Variants in RALGAPA1 observed in about 807,000 individuals in gnomAD.
The protein encoded by RALGAPA1 is ral GTPase-activating protein subunit alpha-1.
In RALGAPA1, 52 loss-of-function variants were observed where a neutral mutation model predicts 269.6. That is an observed-to-expected ratio of 0.19 (90% CI 0.15 to 0.24). The LOEUF (loss-of-function observed/expected upper bound fraction) is 0.24, where lower values mean the gene tolerates loss of function less well. RALGAPA1 is among the 10% of genes least tolerant of loss of function. The pLI is 1.00. For missense variants in RALGAPA1, 1,917 were observed against 3,013.9 expected (o/e 0.64, Z 8.52); for synonymous variants, 817 against 1,008.3 (o/e 0.81, Z 3.60).
chr14:35,783,875 C>T (rs1411702574), intron 1 of RALGAPA1, among the ~76,000 whole-genome samples: 2 of 152,116 alleles, frequency 1.3e-5, no homozygotes, highest in African/African-American at 2.4e-5. Flanking sequence ...CTACTTCTAA[C>T]CCACTATGAT....
rs1317088184 is a variant in RALGAPA1 at position 35,805,221 on chromosome 14, C to T, written c.106+3509G>A. Among the ~76,000 whole-genome samples, 4 of 148,078 alleles carry T rather than the reference C, an allele frequency of 2.7e-5. No individual in the cohort carries two copies. In the South Asian group the frequency reaches 6.4e-4, roughly 24 times the overall value. On this transcript the variant is annotated intron_variant, in intron 1 of 41. Transcript: ENST00000680220. ...GGGGGACTGCCTGAGCTCAGGAGTT[C>T]GAAACCAGCCTGGGCAACACAGTGA...
At chr14:35,753,282 G>T (rs185868660) in intron 7 of RALGAPA1, among the ~76,000 whole-genome samples, 2 of 152,282 alleles carry the variant, frequency 1.3e-5, no homozygotes, top group Admixed American at 1.3e-4. Context: ...ATTAACACAT[G>T]AATTCACAGG....
rs1052291094 is a variant in RALGAPA1 at position 35,659,122 on chromosome 14, A to G, written c.5387+16T>C. ...ACACAAAATAGTTATACTCAGTCTA[A>G]GAATATCCGACCTACCGTGCAGGAC... On this transcript the variant is annotated intron_variant, in intron 28 of 41. Coordinates refer to ENST00000680220, the MANE Select transcript of RALGAPA1 (RefSeq NM_001346249.2). The G allele has an allele frequency of 1.3e-6, 2 of 1,589,472 alleles. No homozygotes were observed. The highest frequency in any genetic ancestry group is 2.7e-5 in the African/African-American group (2 of 74,346).
intron 37 of RALGAPA1, among the ~76,000 whole-genome samples, chr14:35,586,318 G>A (rs749858877): frequency 1.3e-5 from 2 of 152,194 alleles, no homozygotes; most frequent in Non-Finnish European, 2.9e-5. Flanking sequence ...AGACTTTGCC[G>A]AAGTTGCTTG....
intron 35 of RALGAPA1, among the ~76,000 whole-genome samples, chr14:35,607,499 G>C (rs2059670599): frequency 6.6e-6 from 1 of 152,184 alleles, no homozygotes; most frequent in African/African-American, 2.4e-5. Flanking sequence ...AAAACGTTGA[G>C]AGTCTCAATC....
intron 41 of RALGAPA1, among the ~76,000 whole-genome samples, chr14:35,544,626 C>T (rs112607258): frequency 2.6e-4 from 39 of 152,300 alleles, no homozygotes; most frequent in African/African-American, 8.9e-4. Flanking sequence ...AAGATTATTA[C>T]TTGCCTCTTG....
At chr14:35,598,517 T>C (rs1244366336) in intron 36 of RALGAPA1, among the ~76,000 whole-genome samples, 1 of 152,098 alleles carries the variant, frequency 6.6e-6, no homozygotes. Flanking sequence ...CCTCCTGGGT[T>C]CAAGCAATTC....
intron 35 of RALGAPA1, among the ~76,000 whole-genome samples, chr14:35,622,789 C>T (rs1012792390): frequency 2.2e-4 from 34 of 152,048 alleles, no homozygotes; most frequent in African/African-American, 7.0e-4. Context: ...TAATTACCAC[C>T]TCAATGAAAT....
intron 37 of RALGAPA1, among the ~76,000 whole-genome samples, chr14:35,595,158 G>A (rs1218151138): frequency 6.6e-6 from 1 of 151,770 alleles, no homozygotes; most frequent in Non-Finnish European, 1.5e-5. Flanking sequence ...GTGGAGTGGG[G>A]TATGAAATTG....
chr14:35,747,847 G>C (rs534458640), intron 10 of RALGAPA1, among the ~76,000 whole-genome samples: 1 of 152,156 alleles, frequency 6.6e-6, no homozygotes, highest in South Asian at 2.1e-4. Flanking sequence ...CATGCACTTA[G>C]GGATTTCCAG....
At position 35,740,307 on chromosome 14, in the gene RALGAPA1, G is replaced by C. The variant is rs2071425613; in HGVS notation, c.1450-1657C>G. On this transcript the variant is annotated intron_variant, in intron 11 of 41. Transcript: ENST00000680220. ...TACCTCCAACACTTGTTCTCAATGT[G>C]GGCAACCAAAAGCTTTGTATGGTAT... Among the ~76,000 whole-genome samples, 7 of 152,250 alleles carry C rather than the reference G, an allele frequency of 4.6e-5. 1 individual carries two copies. In the South Asian group the frequency reaches 1.5e-3, roughly 32 times the overall value.
At chr14:35,779,648 C>T (rs530807259) in intron 1 of RALGAPA1, among the ~76,000 whole-genome samples, 31 of 151,294 alleles carry the variant, frequency 2.0e-4, no homozygotes, top group African/African-American at 7.5e-4. Flanking sequence ...ACACAATGTT[C>T]GAGGAAAAAA....
intron 13 of RALGAPA1, among the ~76,000 whole-genome samples, chr14:35,725,456 G>A (rs1411256898): frequency 6.6e-6 from 1 of 152,104 alleles, no homozygotes; most frequent in Non-Finnish European, 1.5e-5. Context: ...CACAAATTAA[G>A]TAGTGACCTT....
intron 1 of RALGAPA1, among the ~76,000 whole-genome samples, chr14:35,804,971 A>G (rs2077253014): frequency 6.6e-6 from 1 of 152,034 alleles, no homozygotes; most frequent in Non-Finnish European, 1.5e-5. Flanking sequence ...ATACAGATTA[A>G]TTTCAAAATA....
intron 38 of RALGAPA1, 107 bp from the exon 39 acceptor site, chr14:35,570,851 T>C (rs1161129055): frequency 2.0e-6 from 2 of 1,021,918 alleles, no homozygotes; most frequent in Non-Finnish European, 2.8e-6. Flanking sequence ...GCTTCTTTAG[T>C]TCTTCCTTCA....
intron 35 of RALGAPA1, among the ~76,000 whole-genome samples, chr14:35,606,489 G>A (rs2059605287): frequency 6.6e-6 from 1 of 152,168 alleles, no homozygotes; most frequent in South Asian, 2.1e-4. Flanking sequence ...GTGGTCCATT[G>A]TTGATGAAAG....
At chr14:35,694,105 A>G (rs2066713678) in intron 17 of RALGAPA1, among the ~76,000 whole-genome samples, 1 of 152,032 alleles carries the variant, frequency 6.6e-6, no homozygotes, top group South Asian at 2.1e-4. Context: ...AAAAAAAAGT[A>G]GCTGCTTATT....
chr14:35,763,454 T>C (rs1595470416), intron 4 of RALGAPA1, among the ~76,000 whole-genome samples: 1 of 152,144 alleles, frequency 6.6e-6, no homozygotes, highest in Non-Finnish European at 1.5e-5. Flanking sequence ...AATATTTTTA[T>C]ATTATTACTA....
chr14:35,782,571 T>C (rs952054764), intron 1 of RALGAPA1, among the ~76,000 whole-genome samples: 2 of 152,112 alleles, frequency 1.3e-5, no homozygotes, highest in African/African-American at 4.8e-5. Flanking sequence ...GTAGCTGTGA[T>C]TACATGCATG....
Sources: gnomAD v4.1 joint callset for allele counts (sites outside exome capture counted in the v4.1 genomes callset) on GRCh38, gnomAD v4.1.1 for gene constraint, MANE v1.5 for transcripts, NCBI Gene and HGNC (gene_info 2026-07-23, HGNC 2026-07-21) for gene names.